The following CAPN13 variants were observed in gnomAD, a reference collection of about 807,000 sequenced individuals.
The protein encoded by CAPN13 is calpain-13.
Under a neutral mutation model 98.4 loss-of-function variants are expected in CAPN13, and 90 were observed. The observed-to-expected ratio is 0.92, with a 90% CI of 0.77 to 1.09. CAPN13 has a LOEUF of 1.09. CAPN13 is among the 50% of genes least tolerant of loss of function. The pLI, the probability that CAPN13 is intolerant of heterozygous loss-of-function variation, is 0.00. For missense variants in CAPN13, 887 were observed against 841.3 expected (o/e 1.05, Z -0.67); for synonymous variants, 330 against 305.5 (o/e 1.08, Z -0.84).
At chr2:30,800,156 GAA>G (rs1277472384) in intron 1 of CAPN13, among the ~76,000 whole-genome samples, 34 of 149,924 alleles carry the variant, frequency 2.3e-4, no homozygotes, top group Non-Finnish European at 4.2e-4. Context: ...AAGAAAGAAA[GAA>G]AGAAAGAAAG....
At chr2:30,744,028 G>A (rs1173539397) in intron 12 of CAPN13, among the ~76,000 whole-genome samples, 1 of 152,166 alleles carries the variant, frequency 6.6e-6, no homozygotes, top group Non-Finnish European at 1.5e-5. Context: ...CATCTCTCCA[G>A]TGAAGCCCCG....
chr2:30,769,747 T>C (rs572848387), intron 5 of CAPN13, among the ~76,000 whole-genome samples: 3 of 152,364 alleles, frequency 2.0e-5, no homozygotes, highest in East Asian at 3.9e-4. Context: ...ATTTTGACCA[T>C]ATGAGAATAA....
At chr2:30,805,395 C>A (rs1675551667) in intron 1 of CAPN13, among the ~76,000 whole-genome samples, 1 of 152,100 alleles carries the variant, frequency 6.6e-6, no homozygotes, top group African/African-American at 2.4e-5. Flanking sequence ...TTTCCCACTT[C>A]CCTGACTCTC....
chr2:30,746,602 T>C (rs479103), intron 11 of CAPN13: 164,489 of 199,048 alleles, frequency 0.83, 68,306 homozygotes, highest in Non-Finnish European at 0.85. Flanking sequence ...TGCTTGTGGA[T>C]AGATTTGGTG....
At chr2:30,784,946 T>C (rs1674188507) in intron 2 of CAPN13, among the ~76,000 whole-genome samples, 2 of 152,204 alleles carry the variant, frequency 1.3e-5, no homozygotes, top group South Asian at 4.1e-4. Flanking sequence ...GTGGCTCCTC[T>C]TCCAGTGCTC....
intron 6 of CAPN13, among the ~76,000 whole-genome samples, chr2:30,763,825 G>A (rs139681880): frequency 1.0e-3 from 156 of 152,342 alleles, no homozygotes; most frequent in African/African-American, 3.4e-3. Flanking sequence ...GGGAGCTGTA[G>A]CAGTAGGTCC....
At chr2:30,797,188 C>T (rs879386308) in intron 1 of CAPN13, among the ~76,000 whole-genome samples, 1 of 152,226 alleles carries the variant, frequency 6.6e-6, no homozygotes, top group South Asian at 2.1e-4. Context: ...GCCCCTGCAG[C>T]CCAGGTCCCC....
At chr2:30,745,784 A>G (rs563145647) in intron 11 of CAPN13, 50 bp from the exon 12 acceptor site, 93 of 1,560,640 alleles carry the variant, frequency 6.0e-5, no homozygotes, top group Non-Finnish European at 7.7e-5. Flanking sequence ...ACGTAAACAA[A>G]AAGGCAAGCA....
In CAPN13 at chr2:30,738,294, C is replaced by T. The variant is rs1447415166; in HGVS notation, c.1595-1G>A. On this transcript the variant is annotated splice_acceptor_variant, in intron 16 of 22. Coordinates refer to ENST00000295055, the MANE Select transcript of CAPN13 (RefSeq NM_144575.3). LOFTEE classifies it high-confidence loss of function. Reference sequence around the variant, plus strand: ...AAGGAGAACATGTCCCCTGGAGGTCCTGAGGAGAGAAGGACAGGAAGGACT... The same window carrying T: ...AAGGAGAACATGTCCCCTGGAGGTCTTGAGGAGAGAAGGACAGGAAGGACT... 2 of 1,613,780 alleles carry T rather than the reference C, an allele frequency of 1.2e-6. No homozygotes were observed. Among genetic ancestry groups the T allele is most frequent in the Non-Finnish European group, 1.7e-6 (2 of 1,179,880 alleles).
intron 17 of CAPN13, 47 bp downstream of exon 17, chr2:30,738,188 G>T (rs536472297): frequency 6.2e-7 from 1 of 1,608,374 alleles, no homozygotes; most frequent in African/African-American, 1.3e-5. Flanking sequence ...GAAGCCCACA[G>T]AGCTGAGGGG....
chr2:30,730,915 A>G (rs575914078), intron 21 of CAPN13, 129 bp from the exon 22 acceptor site: 5 of 706,758 alleles, frequency 7.1e-6, no homozygotes, highest in African/African-American at 1.7e-5. Flanking sequence ...GCTAATTCCA[A>G]CCCAAGCAGG....
chr2:30,750,308 T>C (rs1672108552), intron 11 of CAPN13, among the ~76,000 whole-genome samples: 1 of 150,832 alleles, frequency 6.6e-6, no homozygotes, highest in South Asian at 2.1e-4. Context: ...TCTACTTGAG[T>C]GGGGAGGGTG....
intron 1 of CAPN13, among the ~76,000 whole-genome samples, chr2:30,802,366 G>C (rs1157337275): frequency 6.6e-6 from 1 of 152,174 alleles, no homozygotes; most frequent in Non-Finnish European, 1.5e-5. Flanking sequence ...ATATGGACCA[G>C]TGGGAGGAGA....
chr2:30,763,120 C>T lies in CAPN13; in HGVS notation c.736G>A (p.Val246Met), dbSNP rs1293472046. 6.2e-7 allele frequency: 1 copy of T among 1,611,620 alleles called. No homozygotes were observed. Among genetic ancestry groups the T allele is most frequent in the East Asian group, 2.2e-5 (1 of 44,860 alleles). ...DTAQAMENGL[V>M]SLHAYTVTGA... ...GTCACAGTGTAGGCATGGAGACTCA[C>T]CAGCCCATTCTCCATCGCCTGTGCT... The change falls in exon 7 of 23, where the codon GTG (valine) becomes ATG (methionine). Residue 246 changes from valine to methionine, a missense_variant. Val to Met is a conservative substitution (Grantham distance 21, BLOSUM62 1). Transcript: ENST00000295055.
rs771009234 is a variant in CAPN13, at chr2:30,787,181, G to A, written c.145C>T (p.Gln49Ter). The change falls in exon 2 of 23, where the codon CAG becomes TAG. Residue 49 changes from glutamine (Q) to a stop codon, truncating the protein, a stop_gained. Coordinates refer to ENST00000295055, the MANE Select transcript of CAPN13 (RefSeq NM_144575.3). LOFTEE classifies it high-confidence loss of function. ...AGGCGTTTTTCCTGGAGCAGCTTCT[G>A]GCCTATGGAAGAATCTGCTGCAGGG... ...TFPAADSSIGQKLLQEKRLSN... is the reference protein window; with the variant it reads ...TFPAADSSIG 2.8e-5 allele frequency: 45 copies of A among 1,594,336 alleles called. No individual in the cohort carries two copies. Among genetic ancestry groups the A allele is most frequent in the Non-Finnish European group, 3.8e-5 (44 of 1,170,246 alleles).
At chr2:30,750,418 C>T (rs559665486) in intron 11 of CAPN13, among the ~76,000 whole-genome samples, 1 of 152,114 alleles carries the variant, frequency 6.6e-6, no homozygotes, top group Non-Finnish European at 1.5e-5. Context: ...CACATGTTTA[C>T]CTATGTAAGA....
intron 22 of CAPN13, among the ~76,000 whole-genome samples, chr2:30,726,547 T>A (rs1396951140): frequency 2.0e-5 from 3 of 152,058 alleles, no homozygotes; most frequent in African/African-American, 7.2e-5. Flanking sequence ...GGATATAAGA[T>A]CAATATAAAA....
At chr2:30,770,549 G>T in intron 4 of CAPN13, 100 bp from the exon 5 acceptor site, 1 of 1,403,972 alleles carries the variant, frequency 7.1e-7, no homozygotes, top group Non-Finnish European at 9.8e-7. Flanking sequence ...CCTCTACAAT[G>T]CAATAATGAA....
At chr2:30,731,137 T>C (rs561787445) in intron 21 of CAPN13, among the ~76,000 whole-genome samples, 5 of 152,296 alleles carry the variant, frequency 3.3e-5, no homozygotes, top group Admixed American at 2.6e-4. Context: ...TATTAAGCTA[T>C]TGGAAAAAAA....
Sources: gnomAD v4.1 joint callset for allele counts (sites outside exome capture counted in the v4.1 genomes callset) on GRCh38, gnomAD v4.1.1 for gene constraint, MANE v1.5 for transcripts, NCBI Gene and HGNC (gene_info 2026-07-23, HGNC 2026-07-21) for gene names.